The following FGF12 variants were observed in gnomAD, a reference collection of about 807,000 sequenced individuals.
FGF12 encodes fibroblast growth factor 12B.
A neutral mutation model predicts 23.6 loss-of-function variants in FGF12; 14 were observed. The ratio of observed to expected loss-of-function variants is 0.59; its 90% confidence interval spans 0.39 to 0.93. FGF12 has a LOEUF of 0.93. Among genes scored for constraint, FGF12 ranks in the 40% least tolerant of loss-of-function variants. The probability of loss-of-function intolerance (pLI) is 0.00; values close to 1 mark genes in which losing one functional copy is unlikely to be tolerated. For synonymous variants in FGF12, 62 were observed against 77.3 expected, an observed-to-expected ratio of 0.80 and a Z score of 1.04; for missense variants, 175 against 217.8, an observed-to-expected ratio of 0.80 and a Z score of 1.24.
intron 4 of FGF12, among the ~76,000 whole-genome samples, chr3:192,187,489 T>A (rs1251923920): frequency 6.6e-6 from 1 of 152,206 alleles, no homozygotes; most frequent in East Asian, 1.9e-4. Context: ...CGATAGACAC[T>A]AAAATAATTA....
At chr3:192,317,279 C>T (rs1716276608) in intron 4 of FGF12, among the ~76,000 whole-genome samples, 1 of 151,914 alleles carries the variant, frequency 6.6e-6, no homozygotes, top group Non-Finnish European at 1.5e-5. Flanking sequence ...AGCAGGTTCC[C>T]AGGGTAGCCA....
intron 2 of FGF12, among the ~76,000 whole-genome samples, chr3:192,407,723 T>TGAATGAATGAATGAATGAATGAATG (rs760552008): frequency 1.4e-5 from 2 of 147,498 alleles, no homozygotes; most frequent in Non-Finnish European, 3.0e-5. Context: ...ATGAATGAAT[T>TGAATGAATGAATGAATGAATGAATG]AATGAATGAA....
At chr3:192,507,368 CACACACACACACAT>C (rs1238831977) in intron 2 of FGF12, among the ~76,000 whole-genome samples, 35 of 138,986 alleles carry the variant, frequency 2.5e-4, no homozygotes, top group South Asian at 8.8e-4. Context: ...CACACACACA[CACACACACACACAT>C]ACAAGCACAC....
chr3:192,402,884 T>C (rs1576953286), intron 2 of FGF12, among the ~76,000 whole-genome samples: 1 of 152,296 alleles, frequency 6.6e-6, no homozygotes, highest in Admixed American at 6.5e-5. Context: ...TGCACCTTTC[T>C]TTAGAAAATA....
chr3:192,183,665 A>G (rs1359660541), intron 4 of FGF12, among the ~76,000 whole-genome samples: 1 of 152,230 alleles, frequency 6.6e-6, no homozygotes, highest in Non-Finnish European at 1.5e-5. Context: ...AGGTACTAAA[A>G]AGAAAGTTCA....
At chr3:192,379,061 T>C (rs1240222470) in intron 2 of FGF12, among the ~76,000 whole-genome samples, 2 of 152,296 alleles carry the variant, frequency 1.3e-5, no homozygotes, top group Middle Eastern at 3.4e-3. Context: ...TCCAGCTCTA[T>C]CAATGTTCCT....
chr3:192,618,132 G>A (rs918706587), intron 2 of FGF12, among the ~76,000 whole-genome samples: 2 of 151,918 alleles, frequency 1.3e-5, no homozygotes, highest in African/African-American at 4.8e-5. Context: ...AATGGTAGAG[G>A]GCTTGTTGAA....
intron 2 of FGF12, among the ~76,000 whole-genome samples, chr3:192,437,482 G>T (rs944327253): frequency 6.6e-6 from 1 of 152,094 alleles, no homozygotes; most frequent in Non-Finnish European, 1.5e-5. Flanking sequence ...CACAAGGTCA[G>T]GAGTTCAAAA....
At chr3:192,491,317 C>T (rs953233266) in intron 2 of FGF12, among the ~76,000 whole-genome samples, 12 of 152,118 alleles carry the variant, frequency 7.9e-5, no homozygotes, top group African/African-American at 2.9e-4. Context: ...CTGCAATGCA[C>T]CAGATAGATC....
intron 4 of FGF12, among the ~76,000 whole-genome samples, chr3:192,245,881 C>T (rs754243784): frequency 1.6e-4 from 24 of 152,090 alleles, no homozygotes; most frequent in Admixed American, 5.2e-4. Context: ...CTTGCTTTTT[C>T]GGACCCTAAT....
At chr3:192,621,690 C>G (rs200267009) in intron 2 of FGF12, among the ~76,000 whole-genome samples, 2 of 94,372 alleles carry the variant, frequency 2.1e-5, no homozygotes, top group East Asian at 7.1e-4. Flanking sequence ...GATACAAATA[C>G]AAAAAAAAAA....
chr3:192,242,944 A>C (rs1017846134), intron 4 of FGF12, among the ~76,000 whole-genome samples: 4 of 152,244 alleles, frequency 2.6e-5, no homozygotes, highest in Admixed American at 6.5e-5. Context: ...CAGTTAGCTC[A>C]GTATAAAATT....
At chr3:192,636,814 G>A (rs1224178005) in intron 2 of FGF12, among the ~76,000 whole-genome samples, 3 of 152,176 alleles carry the variant, frequency 2.0e-5, no homozygotes, top group Non-Finnish European at 4.4e-5. Flanking sequence ...TGCTATATGT[G>A]TATCATACTA....
At chr3:192,395,226 T>C (rs1720468491) in intron 2 of FGF12, among the ~76,000 whole-genome samples, 1 of 152,206 alleles carries the variant, frequency 6.6e-6, no homozygotes, top group South Asian at 2.1e-4. Context: ...AACTGCCCCC[T>C]GCATCAGTGG....
chr3:192,208,377 C>G (rs1377597110), intron 4 of FGF12, among the ~76,000 whole-genome samples: 1 of 152,102 alleles, frequency 6.6e-6, no homozygotes, highest in Admixed American at 6.5e-5. Flanking sequence ...GCTAGAAATA[C>G]AGCTGTTTAG....
At chr3:192,425,470 C>G (rs1412434234) in intron 2 of FGF12, among the ~76,000 whole-genome samples, 4 of 152,158 alleles carry the variant, frequency 2.6e-5, no homozygotes, top group Non-Finnish European at 5.9e-5. Flanking sequence ...TGTCAAACAT[C>G]AAGGTTATGT....
chr3:192,415,574 ATTGTT>A (rs775993118), intron 2 of FGF12, among the ~76,000 whole-genome samples: 58 of 152,064 alleles, frequency 3.8e-4, no homozygotes, highest in Middle Eastern at 3.4e-3. Flanking sequence ...TCCAAAGTTG[ATTGTT>A]TTGTTTTATC....
Position 192,674,547 on chromosome 3 carries a change from T to C in FGF12, c.13+52634A>G, listed in dbSNP as rs576587087. Among the ~76,000 whole-genome samples, 7 of 152,324 alleles carry C rather than the reference T, an allele frequency of 4.6e-5. No homozygotes were observed. In the East Asian group the frequency reaches 9.6e-4, roughly 21 times the overall value. On this transcript the variant is annotated intron_variant, in intron 2 of 5. Coordinates refer to ENST00000445105, the MANE Select transcript of FGF12 (RefSeq NM_004113.6). Reference sequence around the variant, plus strand: ...ATTTTCTTCTACTGCATAAGGGAGATGAGAGCAGTAGATTTTGTGATCCCT... The same window carrying C: ...ATTTTCTTCTACTGCATAAGGGAGACGAGAGCAGTAGATTTTGTGATCCCT...
At position 192,434,558 on chromosome 3, in the gene FGF12, C is replaced by T. The variant is rs551067486; in HGVS notation, c.14-74020G>A. Among the ~76,000 whole-genome samples, 467 of 152,032 alleles carry T rather than the reference C, an allele frequency of 3.1e-3. 3 individuals are homozygous for T. Among genetic ancestry groups the T allele is most frequent in the African/African-American group, 0.011 (450 of 41,450 alleles). On this transcript the variant is annotated intron_variant, in intron 2 of 5. Coordinates refer to ENST00000445105, the MANE Select transcript of FGF12 (RefSeq NM_004113.6). ...AGGTATACATGTATGTGTGTGTGTG[C>T]ATGTGTATGTACCTGGCAGAGAGGA... is the stretch of plus-strand genomic sequence containing the variant.
Sources: allele counts gnomAD v4.1 joint callset (sites outside exome capture counted in the v4.1 genomes callset), GRCh38; gene constraint gnomAD v4.1.1; transcripts MANE v1.5; gene names NCBI Gene and HGNC (gene_info 2026-07-23, HGNC 2026-07-21).